IPO11: variants seen among roughly 807,000 people sequenced by gnomAD.
IPO11 encodes importin-11.
IPO11 carries 66 observed loss-of-function variants against 143.2 expected under a neutral mutation model. That is an observed-to-expected ratio of 0.46 (90% confidence interval 0.38 to 0.57). The LOEUF is 0.57. IPO11 is among the 20% of genes least tolerant of loss of function. The pLI, the probability that IPO11 is intolerant of heterozygous loss-of-function variation, is 0.00. For synonymous variants in IPO11, 385 were observed against 377.8 expected (o/e 1.02, Z -0.22); for missense variants, 1,026 against 1,141.0 (o/e 0.90, Z 1.45).
At chr5:62,496,421 G>A (rs1741159619) in intron 16 of IPO11, among the ~76,000 whole-genome samples, 1 of 152,058 alleles carries the variant, frequency 6.6e-6, no homozygotes, top group Non-Finnish European at 1.5e-5. Flanking sequence ...ATCTTCTGGT[G>A]GCTACATCTC....
intron 7 of IPO11, among the ~76,000 whole-genome samples, chr5:62,471,192 A>G (rs1745763202): frequency 6.7e-6 from 1 of 149,878 alleles, no homozygotes; most frequent in Non-Finnish European, 1.5e-5. Context: ...GATTTGTGTT[A>G]GAATTCACAG....
At chr5:62,508,917 A>G (rs189474285) in intron 19 of IPO11, among the ~76,000 whole-genome samples, 130 of 152,278 alleles carry the variant, frequency 8.5e-4, no homozygotes, top group African/African-American at 2.9e-3. Flanking sequence ...CTGGATTAAG[A>G]AAATGTGGCA....
chr5:62,541,178 C>G (rs1221949764), intron 24 of IPO11, among the ~76,000 whole-genome samples: 1 of 151,796 alleles, frequency 6.6e-6, no homozygotes, highest in Non-Finnish European at 1.5e-5. Flanking sequence ...TTGAGACCAG[C>G]CTGACCAACA....
At chr5:62,595,563 C>T (rs1377452966) in intron 28 of IPO11, among the ~76,000 whole-genome samples, 1 of 152,080 alleles carries the variant, frequency 6.6e-6, no homozygotes, top group Non-Finnish European at 1.5e-5. Flanking sequence ...CTAATGATCC[C>T]TCTTTTTTTA....
chr5:62,618,908 T>C lies in IPO11; in HGVS notation c.2764-8246T>C, dbSNP rs996168456. 3.9e-5 allele frequency among the ~76,000 whole-genome samples: 6 copies of C among 152,176 alleles called. 1 individual carries two copies. Among genetic ancestry groups the C allele is most frequent in the African/African-American group, 1.2e-4 (5 of 41,442 alleles). On this transcript the variant is annotated intron_variant, in intron 29 of 29. Transcript: ENST00000325324. ...TTTACCAGAATGTACTATCAGTCTTTTTTTTTATGTAGTTTAATTCATTTA... is the reference window on the plus strand; with the variant it reads ...TTTACCAGAATGTACTATCAGTCTTCTTTTTTATGTAGTTTAATTCATTTA...
At chr5:62,473,452 A>G (rs577075960) in intron 7 of IPO11, among the ~76,000 whole-genome samples, 13 of 152,168 alleles carry the variant, frequency 8.5e-5, no homozygotes, top group Non-Finnish European at 1.9e-4. Flanking sequence ...TCTTGACTCT[A>G]ATGTTAACAA....
intron 4 of IPO11, among the ~76,000 whole-genome samples, chr5:62,450,794 T>C (rs1189818739): frequency 1.3e-5 from 2 of 152,164 alleles, no homozygotes; most frequent in Admixed American, 1.3e-4. Context: ...TTTTTTTATA[T>C]TGAGGTCTTC....
rs116295650 is a variant in IPO11 at position 62,515,087 on chromosome 5, A to G, written c.1783-301A>G. On this transcript the variant is annotated intron_variant, in intron 19 of 29. Coordinates refer to ENST00000325324, the MANE Select transcript of IPO11 (RefSeq NM_016338.5). Reference sequence around the variant, plus strand: ...ATTTGGTAAGCTGTTTTGTTAAAAAAGAAGCAGGTTATAACAGCATTTTCT... The same window carrying G: ...ATTTGGTAAGCTGTTTTGTTAAAAAGGAAGCAGGTTATAACAGCATTTTCT... Among the ~76,000 whole-genome samples, 688 of 152,358 alleles carry G rather than the reference A, an allele frequency of 4.5e-3. 5 individuals carry two copies. Among genetic ancestry groups the G allele is most frequent in the African/African-American group, 0.016 (645 of 41,586 alleles).
intron 5 of IPO11, among the ~76,000 whole-genome samples, chr5:62,454,399 GT>G (rs1561317626): frequency 1.3e-5 from 2 of 152,070 alleles, no homozygotes; most frequent in Non-Finnish European, 2.9e-5. Context: ...AAAATCAATT[GT>G]CTAGAAGATT....
chr5:62,598,201 A>G (rs957699168), intron 28 of IPO11, among the ~76,000 whole-genome samples: 1 of 152,000 alleles, frequency 6.6e-6, no homozygotes, highest in Non-Finnish European at 1.5e-5. Flanking sequence ...TGCTTATTGA[A>G]CTACTGGCAC....
At chr5:62,549,928 TTAAA>T (rs2112347138) in intron 24 of IPO11, among the ~76,000 whole-genome samples, 1 of 152,346 alleles carries the variant, frequency 6.6e-6, no homozygotes, top group Non-Finnish European at 1.5e-5. Flanking sequence ...ATTGATTAAC[TTAAA>T]TGTAGATTTA....
intron 27 of IPO11, among the ~76,000 whole-genome samples, chr5:62,571,110 T>C (rs1396050414): frequency 2.0e-5 from 3 of 152,262 alleles, no homozygotes; most frequent in Non-Finnish European, 4.4e-5. Flanking sequence ...ATGATGCATG[T>C]GTATGTCACA....
At chr5:62,418,211 G>A (rs1294072010) in intron 1 of IPO11, among the ~76,000 whole-genome samples, 2 of 150,728 alleles carry the variant, frequency 1.3e-5, no homozygotes, top group Non-Finnish European at 2.9e-5. Context: ...TATTGACCAA[G>A]CTGGAGTGCA....
chr5:62,438,974 G>A (rs552255389), intron 2 of IPO11, among the ~76,000 whole-genome samples: 18 of 151,488 alleles, frequency 1.2e-4, no homozygotes, highest in African/African-American at 4.4e-4. Context: ...CAGGAGAATG[G>A]TGTGAACCCA....
rs555879433 is a variant in IPO11, at chr5:62,544,001, T to A, written c.2251-6366T>A. Reference sequence around the variant, plus strand: ...TTCCATGTAGTTGAGCGGTTTTGAGTGAGTGAGTTTCTTAATCCTGAGTTC... The same window carrying A: ...TTCCATGTAGTTGAGCGGTTTTGAGAGAGTGAGTTTCTTAATCCTGAGTTC... On this transcript the variant is annotated intron_variant, in intron 24 of 29. Transcript: ENST00000325324. Among the ~76,000 whole-genome samples the A allele has an allele frequency of 4.1e-4, 62 of 152,216 alleles. 2 individuals are homozygous for A. The highest frequency in any genetic ancestry group is 1.5e-3 in the African/African-American group (61 of 41,532).
chr5:62,584,235 C>G (rs936709661), intron 27 of IPO11, among the ~76,000 whole-genome samples: 4 of 151,922 alleles, frequency 2.6e-5, no homozygotes, highest in Admixed American at 6.6e-5. Flanking sequence ...GGAGTAGATA[C>G]GTTTGGTGTC....
At chr5:62,535,383 TGTTG>T (rs1742699984) in intron 22 of IPO11, among the ~76,000 whole-genome samples, 1 of 152,116 alleles carries the variant, frequency 6.6e-6, no homozygotes, top group African/African-American at 2.4e-5. Flanking sequence ...TGCTGTTCAT[TGTTG>T]GTCTACAAAA....
At chr5:62,478,904 G>C (rs1452303758) in intron 9 of IPO11, among the ~76,000 whole-genome samples, 11 of 152,120 alleles carry the variant, frequency 7.2e-5, no homozygotes, top group Admixed American at 2.0e-4. Flanking sequence ...GTGCACACAT[G>C]CAATGTGACA....
At chr5:62,449,858 G>T in intron 3 of IPO11, 69 bp from the exon 4 acceptor site, 1 of 976,158 alleles carries the variant, frequency 1.0e-6, no homozygotes, top group East Asian at 2.6e-5. Flanking sequence ...AAAATTTACA[G>T]TAATGCTTAC....
Sources: allele counts gnomAD v4.1 joint callset (sites outside exome capture counted in the v4.1 genomes callset), GRCh38; gene constraint gnomAD v4.1.1; transcripts MANE v1.5; gene names NCBI Gene and HGNC (gene_info 2026-07-23, HGNC 2026-07-21).